The following TLL1 variants were observed in gnomAD, a reference collection of about 807,000 sequenced individuals.
TLL1 encodes the protein tolloid like 1, also known as tolloid-like protein 1.
Under a neutral mutation model 128.2 loss-of-function variants are expected in TLL1, and 49 were observed. That is an observed-to-expected ratio of 0.38 (90% CI 0.30 to 0.48). TLL1 has a LOEUF of 0.48. Ranked by LOEUF, TLL1 falls within the 20% of genes least tolerant of loss-of-function variation. TLL1 has a pLI of 0.96. For missense variants in TLL1, 1,123 were observed against 1,242.0 expected, an observed-to-expected ratio of 0.90 and a Z score of 1.44; for synonymous variants, 454 against 418.8, an observed-to-expected ratio of 1.08 and a Z score of -1.03.
intron 1 of TLL1, among the ~76,000 whole-genome samples, chr4:165,902,966 T>C (rs143162719): frequency 5.9e-5 from 9 of 152,318 alleles, no homozygotes; most frequent in Non-Finnish European, 8.8e-5. Flanking sequence ...CTGTGCATAA[T>C]TGATAAATTA....
intron 1 of TLL1, among the ~76,000 whole-genome samples, chr4:165,921,187 A>T (rs1229742720): frequency 6.6e-6 from 1 of 152,176 alleles, no homozygotes; most frequent in Non-Finnish European, 1.5e-5. Flanking sequence ...GCATATGCGA[A>T]AGTGCCTTGC....
intron 1 of TLL1, among the ~76,000 whole-genome samples, chr4:165,985,802 T>C (rs1277431923): frequency 6.6e-6 from 1 of 152,068 alleles, no homozygotes; most frequent in Non-Finnish European, 1.5e-5. Context: ...AAATGTTTGT[T>C]GTGCATTAAC....
chr4:166,098,292 G>T (rs188857809), intron 19 of TLL1, among the ~76,000 whole-genome samples: 2 of 126,886 alleles, frequency 1.6e-5, no homozygotes, highest in Non-Finnish European at 3.1e-5. Context: ...CTGAGATCAC[G>T]CCACTGCACA....
intron 19 of TLL1, among the ~76,000 whole-genome samples, chr4:166,093,923 A>C (rs1741899693): frequency 6.6e-6 from 1 of 152,150 alleles, no homozygotes; most frequent in Admixed American, 6.5e-5. Flanking sequence ...TGTGAGCTCA[A>C]AGATGGGGCA....
chr4:166,013,539 A>G (rs1023009167), intron 7 of TLL1, among the ~76,000 whole-genome samples: 12 of 151,770 alleles, frequency 7.9e-5, no homozygotes, highest in Non-Finnish European at 1.6e-4. Context: ...TTTTATAGAA[A>G]GGTTTTTTGT....
intron 12 of TLL1, among the ~76,000 whole-genome samples, chr4:166,047,407 G>A (rs1739509635): frequency 1.3e-5 from 2 of 151,012 alleles, no homozygotes; most frequent in Admixed American, 1.3e-4. Context: ...TTCGTGATCT[G>A]CCCTCCTTGG....
At chr4:165,972,857 G>A (rs1216172282) in intron 1 of TLL1, among the ~76,000 whole-genome samples, 1 of 152,094 alleles carries the variant, frequency 6.6e-6, no homozygotes, top group Non-Finnish European at 1.5e-5. Context: ...TCTTAGTGAT[G>A]TTTTTCCTTT....
rs80039147 is a variant in TLL1 at position 165,997,150 on chromosome 4, A to G, written c.632+1972A>G. Among the ~76,000 whole-genome samples, 278 of 152,254 alleles carry G rather than the reference A, an allele frequency of 1.8e-3. 3 individuals carry two copies. The East Asian group carries it at 0.049, about 27-fold the overall frequency. On this transcript the variant is annotated intron_variant, in intron 5 of 20. Transcript: ENST00000061240. Reference sequence around the variant, plus strand: ...ACAATTTCATAAAACATCATATTTCATGATGATTTTTCTATGATAATGCTT... The same window carrying G: ...ACAATTTCATAAAACATCATATTTCGTGATGATTTTTCTATGATAATGCTT...
Position 165,873,786 on chromosome 4 carries a change from C to T in TLL1, c.-119C>T. On this transcript the variant is annotated 5_prime_UTR_variant, in exon 1 of 21. Transcript: ENST00000061240. ...TCCGGACACCTGAGCACCCCGGTCC[C>T]GCCGAGGAGCCTCCGGGTGGGGAGA... The T allele has an allele frequency of 8.4e-7, 1 of 1,187,584 alleles. No homozygotes were observed. Among genetic ancestry groups the T allele is most frequent in the Non-Finnish European group, 1.2e-6 (1 of 816,638 alleles). The allele number at this position is 1,187,584 out of a possible 1,614,324, so 73.6% of individuals were successfully genotyped here. A position where few individuals can be genotyped will look rare whatever the true frequency, so the allele number is the denominator to read the frequency against.
chr4:165,974,197 G>A (rs1735768488), intron 1 of TLL1, among the ~76,000 whole-genome samples: 2 of 115,224 alleles, frequency 1.7e-5, no homozygotes, highest in South Asian at 2.5e-4. Context: ...CTGGAGTGCA[G>A]TGGCGGGATC....
At chr4:165,922,981 T>C (rs1352484213) in intron 1 of TLL1, among the ~76,000 whole-genome samples, 2 of 152,164 alleles carry the variant, frequency 1.3e-5, no homozygotes, top group African/African-American at 4.8e-5. Flanking sequence ...GTCTCTCAAG[T>C]AGGGATATCA....
intron 12 of TLL1, among the ~76,000 whole-genome samples, chr4:166,047,410 C>G (rs1310796390): frequency 2.0e-5 from 3 of 151,192 alleles, no homozygotes; most frequent in East Asian, 3.9e-4. Flanking sequence ...GTGATCTGCC[C>G]TCCTTGGCCT....
intron 1 of TLL1, among the ~76,000 whole-genome samples, chr4:165,972,599 C>T (rs532099910): frequency 6.6e-6 from 1 of 152,158 alleles, no homozygotes; most frequent in Admixed American, 6.5e-5. Context: ...GGTTGACTGT[C>T]TGTCTATTTT....
At chr4:165,980,757 C>G (rs1378154377) in intron 1 of TLL1, among the ~76,000 whole-genome samples, 1 of 151,950 alleles carries the variant, frequency 6.6e-6, no homozygotes, top group African/African-American at 2.4e-5. Context: ...GTTAAGAGAG[C>G]CTACTTGATG....
intron 15 of TLL1, among the ~76,000 whole-genome samples, chr4:166,062,913 G>A (rs1025040325): frequency 6.6e-6 from 1 of 152,116 alleles, no homozygotes; most frequent in African/African-American, 2.4e-5. Context: ...AGTTTATTGA[G>A]AGTTTTTAGC....
At chr4:165,964,403 A>T (rs1282403237) in intron 1 of TLL1, among the ~76,000 whole-genome samples, 2 of 152,218 alleles carry the variant, frequency 1.3e-5, no homozygotes, top group African/African-American at 4.8e-5. Flanking sequence ...GCTATAAAGT[A>T]TCAACACTTA....
intron 1 of TLL1, among the ~76,000 whole-genome samples, chr4:165,881,017 A>G (rs528937541): frequency 1.3e-5 from 2 of 152,330 alleles, no homozygotes; most frequent in Admixed American, 6.5e-5. Flanking sequence ...CCATCCAGAA[A>G]AGATGGAACT....
rs1742250823 is a variant in TLL1, at chr4:166,100,791, A to G, written c.2957A>G (p.His986Arg). 6.2e-7 allele frequency: 1 copy of G among 1,613,190 alleles called. No homozygotes were observed. The highest frequency in any genetic ancestry group is 1.3e-5 in the African/African-American group (1 of 75,000). Reference sequence around the variant, plus strand: ...GGAGATTCAGTTTTAATTCATTTCCACACTGATGACACAATCAACAAGAAG... The same window carrying G: ...GGAGATTCAGTTTTAATTCATTTCCGCACTGATGACACAATCAACAAGAAG... ...SIGDSVLIHF[H>R]TDDTINKKGF... The change falls in exon 21 of 21, where the codon CAC becomes CGC. Residue 986 changes from histidine to arginine, a missense_variant. Around this residue, in one of 3 missense-constraint regions of TLL1, gnomAD observed 634 missense variants for 672.4 expected, o/e 0.94. Coordinates refer to ENST00000061240, the MANE Select transcript of TLL1 (RefSeq NM_012464.5).
At position 166,057,228 on chromosome 4, in the gene TLL1, C is replaced by T; in HGVS notation, c.1765C>T (p.Arg589Ter). Residue 589 changes from arginine (R) to a stop codon, truncating the protein, a stop_gained, in exon 14 of 21, where the codon CGA becomes TGA. Transcript: ENST00000061240. LOFTEE classifies it high-confidence loss of function. ...AKPDRGGCEQ[R>*]CLNTLGSYQC... ...ACCTGACCGTGGAGGCTGTGAGCAG[C>T]GATGTCTGAACACTCTGGGCAGTTA... 1.2e-6 allele frequency: 2 copies of T among 1,613,864 alleles called. No homozygotes were observed. The highest frequency in any genetic ancestry group is 1.1e-5 in the South Asian group (1 of 91,070).
Sources: gnomAD v4.1 joint callset for allele counts (sites outside exome capture counted in the v4.1 genomes callset) on GRCh38, gnomAD v4.1.1 for gene constraint, gnomAD v4.1.1 regional missense constraint, MANE v1.5 for transcripts, NCBI Gene and HGNC (gene_info 2026-07-23, HGNC 2026-07-21) for gene names.